The following FBP1 variants were observed in gnomAD, a reference collection of about 807,000 sequenced individuals.
FBP1 encodes fructose-1,6-bisphosphatase 1.
A neutral mutation model predicts 29.9 loss-of-function variants in FBP1; 22 were observed. The ratio of observed to expected loss-of-function variants is 0.74; its 90% CI spans 0.53 to 1.05. The LOEUF (loss-of-function observed/expected upper bound fraction) is 1.05. FBP1 is among the 50% of genes least tolerant of loss of function. The pLI, the probability that FBP1 is intolerant of heterozygous loss-of-function variation, is 0.00. For synonymous variants in FBP1, 175 were observed against 178.6 expected (o/e 0.98, Z 0.16); for missense variants, 345 against 448.2 (o/e 0.77, Z 2.08).
intron 1 of FBP1, among the ~76,000 whole-genome samples, chr9:94,638,009 C>A (rs978814974): frequency 6.6e-5 from 10 of 151,036 alleles, no homozygotes; most frequent in African/African-American, 2.4e-4. Flanking sequence ...TCGCTTGAAC[C>A]TGGGAGGCAG....
At chr9:94,624,836 A>ACAT (rs1828000266) in intron 1 of FBP1, among the ~76,000 whole-genome samples, 2 of 152,096 alleles carry the variant, frequency 1.3e-5, no homozygotes, top group Non-Finnish European at 2.9e-5. Flanking sequence ...ACATTTATAC[A>ACAT]AGTAATTTTG....
intron 1 of FBP1, among the ~76,000 whole-genome samples, chr9:94,628,731 C>T (rs184086111): frequency 2.0e-5 from 3 of 152,306 alleles, no homozygotes; most frequent in Non-Finnish European, 4.4e-5. Flanking sequence ...TTTCAAACCA[C>T]GGCTGAAAAT....
chr9:94,616,973 G>A (rs546999852), intron 3 of FBP1, among the ~76,000 whole-genome samples: 2 of 152,072 alleles, frequency 1.3e-5, no homozygotes, highest in East Asian at 3.9e-4. Flanking sequence ...CAGCTCTGGA[G>A]GAGGGGTGAC....
At chr9:94,629,656 G>A (rs535818393) in intron 1 of FBP1, among the ~76,000 whole-genome samples, 6 of 152,114 alleles carry the variant, frequency 3.9e-5, no homozygotes, top group African/African-American at 7.2e-5. Flanking sequence ...GGGGAGGTAG[G>A]GGGGAGGGTC....
At chr9:94,633,767 C>A (rs1828146352) in intron 1 of FBP1, among the ~76,000 whole-genome samples, 2 of 151,772 alleles carry the variant, frequency 1.3e-5, no homozygotes, top group Non-Finnish European at 2.9e-5. Flanking sequence ...TGCAGTGGCG[C>A]GATCTCGGCT....
At chr9:94,611,590 GA>G (rs200636382) in intron 3 of FBP1, among the ~76,000 whole-genome samples, 1 of 151,964 alleles carries the variant, frequency 6.6e-6, no homozygotes, top group African/African-American at 2.4e-5. Context: ...CCATCTCTAC[GA>G]AAAAAAATTT....
In FBP1 at chr9:94,634,183, C is replaced by T. The variant is rs543426499; in HGVS notation, c.170+4958G>A. Among the ~76,000 whole-genome samples, 14 of 150,844 alleles carry T rather than the reference C, an allele frequency of 9.3e-5. No homozygotes were observed. The East Asian group carries it at 2.6e-3, about 28-fold the overall frequency. On this transcript the variant is annotated intron_variant, in intron 1 of 6. Coordinates refer to ENST00000375326, the MANE Select transcript of FBP1 (RefSeq NM_000507.4). ...TGGTGGTGGGCGCCTGTAATCCCAG[C>T]TATGGGAGGCTGAGGCAGGAGAATG...
intron 3 of FBP1, 138 bp downstream of exon 3, chr9:94,617,630 A>G: frequency 1.4e-6 from 1 of 708,224 alleles, no homozygotes; most frequent in Admixed American, 2.0e-5. Context: ...TGAAAAGCTC[A>G]GAACTTGAGA....
intron 1 of FBP1, among the ~76,000 whole-genome samples, chr9:94,629,928 G>C (rs1393812459): frequency 6.6e-6 from 1 of 152,172 alleles, no homozygotes; most frequent in Non-Finnish European, 1.5e-5. Context: ...GGGCCATCCT[G>C]AGGATGGCAC....
chr9:94,628,381 C>CAAA lies in FBP1; in HGVS notation c.171-7893_171-7891dup, dbSNP rs11394817. ...AGAACGGGCCACAGAGACTCTGTCT[C>CAAA]AAAAAAAAAAAAAAAATTTATCATA... On this transcript the variant is annotated intron_variant, in intron 1 of 6. Coordinates refer to ENST00000375326, the MANE Select transcript of FBP1 (RefSeq NM_000507.4). Among the ~76,000 whole-genome samples, 393 of 135,798 alleles carry CAAA rather than the reference C, an allele frequency of 2.9e-3. 9 individuals are homozygous for CAAA. The highest frequency in any genetic ancestry group is 4.8e-3 in the East Asian group (22 of 4,584). 89.1% of individuals were successfully genotyped at this position (135,798 alleles called of 152,430 possible). A position where few individuals can be genotyped will look rare whatever the true frequency, so the allele number is the denominator to read the frequency against.
At chr9:94,614,560 C>T (rs1055076124) in intron 3 of FBP1, among the ~76,000 whole-genome samples, 24 of 152,016 alleles carry the variant, frequency 1.6e-4, no homozygotes, top group Admixed American at 2.0e-4. Flanking sequence ...TAGTAGTAGT[C>T]GGTAGGCCCT....
At chr9:94,638,627 G>T in intron 1 of FBP1, among the ~76,000 whole-genome samples, 1 of 51,522 alleles carries the variant, frequency 1.9e-5, no homozygotes, top group African/African-American at 3.5e-4. Flanking sequence ...CCTGCTTGCG[G>T]GGGGGGCGGG....
chr9:94,606,699 C>T (rs774796059), intron 5 of FBP1, 116 bp downstream of exon 5: 10 of 1,053,368 alleles, frequency 9.5e-6, no homozygotes, highest in Non-Finnish European at 1.4e-5. Context: ...CACATGAGGC[C>T]CAAGGCCCTC....
At position 94,608,211 on chromosome 9, in the gene FBP1, A is replaced by G. The variant is rs28369747; in HGVS notation, c.568-1259T>C. On this transcript the variant is annotated intron_variant, in intron 4 of 6. Coordinates refer to ENST00000375326, the MANE Select transcript of FBP1 (RefSeq NM_000507.4). ...ACAGCTGTAGCAGTGTTTTCAGCAGAAACCGTCAGCCTGGCTTTGCAGCAA... is the reference window on the plus strand; with the variant it reads ...ACAGCTGTAGCAGTGTTTTCAGCAGGAACCGTCAGCCTGGCTTTGCAGCAA... 9.8e-3 allele frequency among the ~76,000 whole-genome samples: 1,490 copies of G among 152,278 alleles called. 23 individuals are homozygous for G. The highest frequency in any genetic ancestry group is 0.032 in the African/African-American group (1,345 of 41,552).
chr9:94,610,017 GCCTGGTTGCAGAGCAT>G lies in FBP1; in HGVS notation c.455_470del (p.Asp152AlafsTer45). 1 of 1,613,926 alleles carries G rather than the reference GCCTGGTTGCAGAGCAT, an allele frequency of 6.2e-7. No homozygotes were observed. ...CGTAGCCGGCTGCCACCAGGTTCCGGCCTGGTTGCAGAGCATCCTTCTCAGAAGGCTCATCAGTTGA... is the reference window on the plus strand; with the variant it reads ...CGTAGCCGGCTGCCACCAGGTTCCGGCCTTCTCAGAAGGCTCATCAGTTGA... On this transcript the variant is annotated frameshift_variant, in exon 4 of 7. Coordinates refer to ENST00000375326, the MANE Select transcript of FBP1 (RefSeq NM_000507.4). LOFTEE classifies it high-confidence loss of function.
At position 94,617,748 on chromosome 9, in the gene FBP1, C is replaced by T. The variant is rs766986921; in HGVS notation, c.426+20G>A. ...TTAACTTCTGTCCCCAAACCAAGTGCTTAAGATATCACGTTTTACCTTTCT... is the reference window on the plus strand; with the variant it reads ...TTAACTTCTGTCCCCAAACCAAGTGTTTAAGATATCACGTTTTACCTTTCT... On this transcript the variant is annotated intron_variant, in intron 3 of 6. Coordinates refer to ENST00000375326, the MANE Select transcript of FBP1 (RefSeq NM_000507.4). 2.6e-6 allele frequency: 4 copies of T among 1,530,940 alleles called. No individual in the cohort carries two copies. In the Admixed American group the frequency reaches 6.7e-5, roughly 26 times the overall value. The allele number at this position is 1,530,940 out of a possible 1,614,324, so 94.8% of individuals were successfully genotyped here.
chr9:94,631,173 G>C (rs550951301), intron 1 of FBP1, among the ~76,000 whole-genome samples: 1 of 152,306 alleles, frequency 6.6e-6, no homozygotes, highest in Admixed American at 6.5e-5. Context: ...AAAGCACCAG[G>C]CAGGGTTGAA....
chr9:94,610,149 G>T, intron 3 of FBP1, 88 bp from the exon 4 acceptor site: 1 of 1,360,478 alleles, frequency 7.4e-7, no homozygotes, highest in Non-Finnish European at 1.0e-6. Flanking sequence ...GCATTCTCAA[G>T]GTGCTCTTCT....
chr9:94,628,394 A>T (rs1021764474), intron 1 of FBP1, among the ~76,000 whole-genome samples: 1 of 151,570 alleles, frequency 6.6e-6, no homozygotes, highest in African/African-American at 2.4e-5. Flanking sequence ...AAAAAAAAAA[A>T]AAATTTATCA....
Sources: gnomAD v4.1 joint callset for allele counts (sites outside exome capture counted in the v4.1 genomes callset) on GRCh38, gnomAD v4.1.1 for gene constraint, MANE v1.5 for transcripts, NCBI Gene and HGNC (gene_info 2026-07-23, HGNC 2026-07-21) for gene names.